The following CENPU variants were observed in gnomAD, a reference collection of about 807,000 sequenced individuals.
CENPU encodes the protein KSHV latent nuclear antigen interacting protein 1.
In CENPU, 46 loss-of-function variants were observed where a neutral mutation model predicts 56.7. That is an observed-to-expected ratio of 0.81 (90% CI 0.64 to 1.04). CENPU has a LOEUF of 1.04. Ranked by LOEUF, CENPU falls within the 50% of genes least tolerant of loss-of-function variation. CENPU has a pLI of 0.00. For missense variants in CENPU, 510 were observed against 490.1 expected, an observed-to-expected ratio of 1.04 and a Z score of -0.38; for synonymous variants, 166 against 163.0, an observed-to-expected ratio of 1.02 and a Z score of -0.14.
At chr4:184,723,784 A>G (rs1184468808) in intron 4 of CENPU, among the ~76,000 whole-genome samples, 2 of 146,136 alleles carry the variant, frequency 1.4e-5, no homozygotes, top group East Asian at 2.0e-4. Flanking sequence ...CGGAGGTTAC[A>G]GTGAGCCAAG....
chr4:184,705,933 G>T (rs1029185964), intron 8 of CENPU, among the ~76,000 whole-genome samples: 1 of 152,150 alleles, frequency 6.6e-6, no homozygotes, highest in Non-Finnish European at 1.5e-5. Flanking sequence ...AAAGTAGAAG[G>T]GTGGTTGCCA....
intron 8 of CENPU, 56 bp downstream of exon 8, chr4:184,710,016 A>C: frequency 6.6e-6 from 6 of 903,624 alleles, no homozygotes; most frequent in South Asian, 1.8e-5. Context: ...ATGAGCAAAA[A>C]TGGTGCTTCA....
chr4:184,731,883 CTGTGTG>C (rs59083873), intron 1 of CENPU, among the ~76,000 whole-genome samples: 8 of 146,640 alleles, frequency 5.5e-5, no homozygotes, highest in Admixed American at 2.7e-4. Flanking sequence ...CTCATGTGCT[CTGTGTG>C]TGTGTGTGTG....
At chr4:184,706,838 C>A (rs1359880699) in intron 8 of CENPU, among the ~76,000 whole-genome samples, 1 of 152,210 alleles carries the variant, frequency 6.6e-6, no homozygotes, top group African/African-American at 2.4e-5. Flanking sequence ...TCTTCTAAAT[C>A]ATTTCTTATA....
Position 184,730,916 on chromosome 4 carries a change from T to A in CENPU, c.96+4A>T. 3 of 1,578,464 alleles carry A rather than the reference T, an allele frequency of 1.9e-6. No individual in the cohort carries two copies. The highest frequency in any genetic ancestry group is 2.6e-6 in the Non-Finnish European group (3 of 1,169,722). ...GAAAACCACAACACAAAAAGGTAAC[T>A]TACATCTTTCATGGAATGTGTTCTT... On this transcript the variant is annotated splice_donor_region_variant and intron_variant, in intron 2 of 12. Coordinates refer to ENST00000281453, the MANE Select transcript of CENPU (RefSeq NM_024629.4).
chr4:184,718,914 C>A (rs1404847881), intron 4 of CENPU, among the ~76,000 whole-genome samples: 2 of 152,058 alleles, frequency 1.3e-5, no homozygotes, highest in Non-Finnish European at 1.5e-5. Flanking sequence ...GGCCAATGTG[C>A]AAAACATCCG....
chr4:184,708,015 G>A (rs28497285), intron 8 of CENPU, among the ~76,000 whole-genome samples: 27,109 of 151,928 alleles, frequency 0.18, 2,719 homozygotes, highest in African/African-American at 0.26. Context: ...TTGAGATCAG[G>A]AGTTTGAGAG....
intron 10 of CENPU, among the ~76,000 whole-genome samples, chr4:184,701,343 C>T (rs1431732087): frequency 1.3e-5 from 2 of 152,064 alleles, no homozygotes; most frequent in Admixed American, 6.6e-5. Flanking sequence ...GTTCCCACTC[C>T]GTAATAAGCA....
At chr4:184,702,301 T>C in intron 9 of CENPU, 62 bp downstream of exon 9, 1 of 1,478,232 alleles carries the variant, frequency 6.8e-7, no homozygotes, top group Non-Finnish European at 9.4e-7. Flanking sequence ...AAGACAACAA[T>C]ATGCTGCTAC....
chr4:184,711,382 G>GCATATCCAT (rs1189881097), intron 7 of CENPU, among the ~76,000 whole-genome samples: 1 of 152,056 alleles, frequency 6.6e-6, no homozygotes, highest in Non-Finnish European at 1.5e-5. Flanking sequence ...AGGGTATTCA[G>GCATATCCAT]CATATCCATC....
intron 4 of CENPU, among the ~76,000 whole-genome samples, chr4:184,719,347 G>C: frequency 6.6e-6 from 1 of 152,218 alleles, no homozygotes; most frequent in Admixed American, 6.5e-5. Flanking sequence ...CTTGGGAGGA[G>C]AGCACAGTGA....
At chr4:184,733,239 C>G in intron 1 of CENPU, 1 of 880,304 alleles carries the variant, frequency 1.1e-6, no homozygotes, top group African/African-American at 1.8e-5. Context: ...CTCGGTTTCC[C>G]CACCCACCTG....
chr4:184,721,054 TAAC>T (rs1224428063), intron 4 of CENPU, among the ~76,000 whole-genome samples: 2 of 152,222 alleles, frequency 1.3e-5, no homozygotes, highest in African/African-American at 4.8e-5. Flanking sequence ...TCAAAAATAA[TAAC>T]TTTTCAAAAC....
intron 3 of CENPU, among the ~76,000 whole-genome samples, chr4:184,725,280 T>G (rs923566409): frequency 6.6e-6 from 1 of 152,234 alleles, no homozygotes; most frequent in Non-Finnish European, 1.5e-5. Flanking sequence ...TTATGAATAA[T>G]AAACCTTTAT....
Position 184,700,067 on chromosome 4 carries a change from A to G in CENPU, c.986+753T>C, listed in dbSNP as rs559179695. On this transcript the variant is annotated intron_variant, in intron 11 of 12. Transcript: ENST00000281453. The stretch of plus-strand genomic sequence containing the variant: ...CACTGTCTTTCTCAAGCTATTTTTA[A>G]GCTCAGGAGCAGACACCACATCTAG... 1.8e-3 allele frequency among the ~76,000 whole-genome samples: 274 copies of G among 152,322 alleles called. 2 individuals carry two copies. Among genetic ancestry groups the G allele is most frequent in the Non-Finnish European group, 2.6e-3 (180 of 68,030 alleles).
chr4:184,717,099 T>G, intron 5 of CENPU, 37 bp downstream of exon 5: 1 of 1,401,224 alleles, frequency 7.1e-7, no homozygotes, highest in Non-Finnish European at 1.0e-6. Flanking sequence ...CAAACTATAT[T>G]ACAAATTAAA....
rs1761120861 is a variant in CENPU at position 184,717,125 on chromosome 4, C to A, written c.381+11G>T. On this transcript the variant is annotated intron_variant, in intron 5 of 12. Transcript: ENST00000281453. ...ACAAATTAAAGTAGAAGAGTGAATA[C>A]TCCTACATACCTTTTTTGCACTAAT... is the stretch of plus-strand genomic sequence containing the variant. 1 of 1,587,520 alleles carries A rather than the reference C, an allele frequency of 6.3e-7. No individual in the cohort carries two copies. The highest frequency in any genetic ancestry group is 1.3e-5 in the African/African-American group (1 of 74,410).
chr4:184,730,831 C>G (rs1324213848), intron 2 of CENPU, 89 bp downstream of exon 2: 24 of 900,066 alleles, frequency 2.7e-5, no homozygotes, highest in Non-Finnish European at 1.7e-6. Context: ...TTGAACTTGC[C>G]AAGTGAAGTC....
intron 3 of CENPU, among the ~76,000 whole-genome samples, chr4:184,726,349 T>C (rs1317274979): frequency 6.7e-6 from 1 of 150,274 alleles, no homozygotes; most frequent in Non-Finnish European, 1.5e-5. Context: ...TGGCCAATAA[T>C]CATACATAAG....
Sources: allele counts gnomAD v4.1 joint callset (sites outside exome capture counted in the v4.1 genomes callset), GRCh38; gene constraint gnomAD v4.1.1; transcripts MANE v1.5; gene names NCBI Gene and HGNC (gene_info 2026-07-23, HGNC 2026-07-21).